Variants in MTMR9 observed in about 807,000 individuals in gnomAD.
MTMR9 encodes the protein myotubularin-related protein 9.
MTMR9 carries 39 observed loss-of-function variants against 69.5 expected under a neutral mutation model. The ratio of observed to expected loss-of-function variants is 0.56; its 90% CI spans 0.43 to 0.73. MTMR9 has a LOEUF of 0.73. Ranked by LOEUF, MTMR9 falls within the 30% of genes least tolerant of loss-of-function variation. The pLI is 0.00. For synonymous variants in MTMR9, 354 were observed against 240.8 expected (o/e 1.47, Z -4.35); for missense variants, 900 against 671.2 (o/e 1.34, Z -3.77).
At chr8:11,336,892 A>G in the MTMR9 span, among the ~76,000 whole-genome samples, 1 of 152,202 alleles carries the variant, frequency 6.6e-6, no homozygotes, top group Admixed American at 6.5e-5. Context: ...TATTGTATGC[A>G]TCCAACTGTT....
At chr8:11,336,948 G>C in the MTMR9 span, among the ~76,000 whole-genome samples, 13 of 151,880 alleles carry the variant, frequency 8.6e-5, no homozygotes, top group African/African-American at 2.4e-4. Context: ...GAGTACCTCA[G>C]GTTGCCGGAG....
rs1414973872 is a variant in MTMR9 at position 11,293,011 on chromosome 8, A to G, written c.183-2183A>G. ...TATACTGCTTATACTTCTAAAAAGA[A>G]TGTTAACTGTAAAACAGCCTCAGGC... On this transcript the variant is annotated intron_variant, in intron 1 of 9. Coordinates refer to ENST00000221086, the MANE Select transcript of MTMR9 (RefSeq NM_015458.4). Among the ~76,000 whole-genome samples, 3 of 152,232 alleles carry G rather than the reference A, an allele frequency of 2.0e-5. No individual in the cohort carries two copies. In the South Asian group the frequency reaches 6.2e-4, roughly 31 times the overall value.
chr8:11,330,578 G>C (rs1244304131), downstream of MTMR9, among the ~76,000 whole-genome samples: 6 of 152,336 alleles, frequency 3.9e-5, no homozygotes, highest in East Asian at 9.7e-4. Context: ...ACTGGGAGGG[G>C]TTCTTCTGCC....
chr8:11,284,959 C>T lies in MTMR9; in HGVS notation c.71C>T (p.Ala24Val), dbSNP rs899043397. 3 of 1,613,978 alleles carry T rather than the reference C, an allele frequency of 1.9e-6. No individual in the cohort carries two copies. The highest frequency in any genetic ancestry group is 2.2e-5 in the South Asian group (2 of 91,022). ...NVVLHRPFYP[A>V]VEGTLCLTGH... ...GTGCTGCACCGGCCTTTCTACCCGG[C>T]TGTCGAGGGCACCCTGTGCCTGACG... Residue 24 changes from alanine to valine, a missense_variant, in exon 1 of 10, where the codon GCT becomes GTT. By Grantham distance (64) the Ala-to-Val change is moderately conservative (BLOSUM62 0). Coordinates refer to ENST00000221086, the MANE Select transcript of MTMR9 (RefSeq NM_015458.4).
At position 11,291,809 on chromosome 8, in the gene MTMR9, G is replaced by GT. The variant is rs1318479509; in HGVS notation, c.183-3378dup. On this transcript the variant is annotated intron_variant, in intron 1 of 9. Coordinates refer to ENST00000221086, the MANE Select transcript of MTMR9 (RefSeq NM_015458.4). Reference sequence around the variant, plus strand: ...ACCGTATGTCTTGTACATTTTTTTTGTTTTTTTACTGACAGTTTGGTTGCT... The same window carrying GT: ...ACCGTATGTCTTGTACATTTTTTTTGTTTTTTTTACTGACAGTTTGGTTGCT... Among the ~76,000 whole-genome samples the GT allele has an allele frequency of 7.2e-5, 11 of 151,780 alleles. No individual in the cohort carries two copies. The South Asian group carries it at 8.3e-4, about 11-fold the overall frequency.
chr8:11,307,845 GTCT>G (rs1397579733), intron 5 of MTMR9, among the ~76,000 whole-genome samples: 1 of 151,754 alleles, frequency 6.6e-6, no homozygotes, highest in Non-Finnish European at 1.5e-5. Context: ...CCATTTATAT[GTCT>G]TCTTTTGAGA....
the MTMR9 span, among the ~76,000 whole-genome samples, chr8:11,336,844 C>T: frequency 6.6e-6 from 1 of 152,164 alleles, no homozygotes; most frequent in African/African-American, 2.4e-5. Context: ...CTTGCTCAAG[C>T]ACCATCCACT....
intron 2 of MTMR9, among the ~76,000 whole-genome samples, chr8:11,297,732 A>G (rs745325565): frequency 3.9e-5 from 6 of 152,162 alleles, no homozygotes; most frequent in Non-Finnish European, 8.8e-5. Flanking sequence ...AGCTGTATAT[A>G]TTTTAAAACT....
intron 1 of MTMR9, among the ~76,000 whole-genome samples, chr8:11,285,519 T>C (rs1399736597): frequency 6.6e-6 from 1 of 152,204 alleles, no homozygotes; most frequent in African/African-American, 2.4e-5. Context: ...AGAACCATTT[T>C]TTTAATTTCT....
At chr8:11,321,563 G>A (rs914221581) in intron 9 of MTMR9, 5 of 452,786 alleles carry the variant, frequency 1.1e-5, no homozygotes, top group East Asian at 7.0e-5. Flanking sequence ...CTGCCATGCC[G>A]GAGTTTCAGT....
intron 6 of MTMR9, 53 bp downstream of exon 6, chr8:11,309,741 T>C: frequency 6.3e-7 from 1 of 1,586,902 alleles, no homozygotes; most frequent in Non-Finnish European, 8.6e-7. Flanking sequence ...TAACTAGACT[T>C]TGTGTTTATC....
intron 1 of MTMR9, among the ~76,000 whole-genome samples, chr8:11,289,317 C>A (rs1585105991): frequency 2.6e-5 from 4 of 152,252 alleles, no homozygotes. Flanking sequence ...TCCTTCAGTT[C>A]TGCCTCTTAC....
chr8:11,286,669 A>T (rs1404484792), intron 1 of MTMR9, among the ~76,000 whole-genome samples: 1 of 139,468 alleles, frequency 7.2e-6, no homozygotes. Flanking sequence ...TCCATCTCAA[A>T]AAAAAAAAAA....
intron 2 of MTMR9, among the ~76,000 whole-genome samples, chr8:11,297,120 G>T (rs187929395): frequency 1.3e-5 from 2 of 152,068 alleles, no homozygotes; most frequent in Admixed American, 1.3e-4. Context: ...TTCTTTCCGT[G>T]TATGTGTAAC....
downstream of MTMR9, among the ~76,000 whole-genome samples, chr8:11,330,351 C>G (rs1781493458): frequency 6.6e-6 from 1 of 152,086 alleles, no homozygotes; most frequent in Admixed American, 6.5e-5. Context: ...GGGGGCGCCT[C>G]TGCCCGGCTG....
At chr8:11,331,930 C>G (rs1585150795), downstream of MTMR9, 2 of 1,612,012 alleles carry the variant, frequency 1.2e-6, no homozygotes, top group African/African-American at 2.7e-5. Flanking sequence ...TATGCGGTCA[C>G]CAAGGCCCAC....
At chr8:11,316,628 T>C in intron 7 of MTMR9, 45 bp from the exon 8 acceptor site, 1 of 1,335,378 alleles carries the variant, frequency 7.5e-7, no homozygotes, top group Non-Finnish European at 1.0e-6. Flanking sequence ...CTCTGTCATG[T>C]GATCTCACCA....
Position 11,285,111 on chromosome 8 carries a change from G to A in MTMR9, c.182+41G>A, listed in dbSNP as rs776462267. 12 of 1,489,134 alleles carry A rather than the reference G, an allele frequency of 8.1e-6. No individual in the cohort carries two copies. In the South Asian group the frequency reaches 1.0e-4, roughly 13 times the overall value. 92.2% of individuals were successfully genotyped at this position (1,489,134 alleles called of 1,614,324 possible). On this transcript the variant is annotated intron_variant, in intron 1 of 9. Transcript: ENST00000221086. The stretch of plus-strand genomic sequence containing the variant: ...ACCCCAGCTCCGCAGGGAGCCGGGG[G>A]TCCCTTGTGGGCGCCCCGGGAAATA...
intron 3 of MTMR9, among the ~76,000 whole-genome samples, chr8:11,304,226 G>A (rs771565122): frequency 2.0e-5 from 3 of 152,088 alleles, no homozygotes; most frequent in Non-Finnish European, 4.4e-5. Context: ...AGTTGGTACT[G>A]TTTTAAGAAA....
Sources: allele counts gnomAD v4.1 joint callset (sites outside exome capture counted in the v4.1 genomes callset), GRCh38; gene constraint gnomAD v4.1.1; transcripts MANE v1.5; gene names NCBI Gene and HGNC (gene_info 2026-07-23, HGNC 2026-07-21).